TXNRD2: variants seen among roughly 807,000 people sequenced by gnomAD.
The protein encoded by TXNRD2 is thioredoxin reductase 2, also known as thioredoxin reductase 2, mitochondrial.
A neutral mutation model predicts 70.8 loss-of-function variants in TXNRD2; 67 were observed. The observed-to-expected ratio is 0.95, with a 90% CI of 0.78 to 1.16. The LOEUF (loss-of-function observed/expected upper bound fraction) is 1.16. Ranked by LOEUF, TXNRD2 falls within the 50% of genes most tolerant of loss-of-function variation. The pLI is 0.00. For missense variants in TXNRD2, 644 were observed against 719.9 expected (o/e 0.89, Z 1.21); for synonymous variants, 301 against 295.8 (o/e 1.02, Z -0.18).
At chr22:19,913,273 C>T (rs1940494481) in intron 7 of TXNRD2, among the ~76,000 whole-genome samples, 1 of 152,204 alleles carries the variant, frequency 6.6e-6, no homozygotes, top group East Asian at 1.9e-4. Flanking sequence ...TGCAGCAACA[C>T]AGGGAACATT....
intron 8 of TXNRD2, among the ~76,000 whole-genome samples, chr22:19,901,470 G>A (rs535233722): frequency 6.6e-6 from 1 of 152,318 alleles, no homozygotes; most frequent in East Asian, 1.9e-4. Flanking sequence ...CGTCTCGCTC[G>A]TGTGGAGGGT....
At chr22:19,882,115 G>A (rs1314645048) in intron 12 of TXNRD2, among the ~76,000 whole-genome samples, 1 of 152,170 alleles carries the variant, frequency 6.6e-6, no homozygotes, top group East Asian at 1.9e-4. Context: ...TGACGATGAG[G>A]CAGAGAGAGG....
chr22:19,939,863 G>T (rs1320579823), intron 1 of TXNRD2, among the ~76,000 whole-genome samples: 4 of 152,130 alleles, frequency 2.6e-5, no homozygotes, highest in African/African-American at 9.7e-5. Flanking sequence ...ATATAAACCT[G>T]TAGGAAAACC....
rs1407064063 is a variant in TXNRD2 at position 19,919,673 on chromosome 22, C to T, written c.173-74G>A. 1.4e-5 allele frequency: 19 copies of T among 1,329,506 alleles called. No individual in the cohort carries two copies. In the South Asian group the frequency reaches 2.3e-4, roughly 16 times the overall value. The allele number at this position is 1,329,506 out of a possible 1,614,324, so 82.4% of individuals were successfully genotyped here. A position where few individuals can be genotyped will look rare whatever the true frequency, so the allele number is the denominator to read the frequency against. On this transcript the variant is annotated intron_variant, in intron 2 of 17. Transcript: ENST00000400521. ...ACTCAAGAACAGGCACTCCTCAGGG[C>T]TTGTGAGGTCCAGAAGAGTGTGGGC...
At chr22:19,924,641 A>G (rs1289581878) in intron 2 of TXNRD2, among the ~76,000 whole-genome samples, 1 of 152,210 alleles carries the variant, frequency 6.6e-6, no homozygotes, top group Non-Finnish European at 1.5e-5. Context: ...TGAAAAATAC[A>G]CTGGACGGGA....
chr22:19,890,355 A>G (rs1194192053), intron 11 of TXNRD2, among the ~76,000 whole-genome samples: 1 of 152,202 alleles, frequency 6.6e-6, no homozygotes, highest in African/African-American at 2.4e-5. Context: ...CTAAATTTGC[A>G]CTAAAATAAA....
At position 19,880,200 on chromosome 22, in the gene TXNRD2, G is replaced by A. The variant is rs1188379074; in HGVS notation, c.1254C>T (p.Arg418=). 5 of 1,613,396 alleles carry A rather than the reference G, an allele frequency of 3.1e-6. No individual in the cohort carries two copies. The highest frequency in any genetic ancestry group is 1.7e-5 in the Admixed American group (1 of 60,022). The stretch of plus-strand genomic sequence containing the variant: ...TCACCTCAACATGCTCCTGCCCGTG[G>A]CGAGCCACTGCCTCCTCCTCGGACA... The part of the protein sequence containing the change: ...VGLSEEEAVA[R]HGQEHVEVYH... Residue 418 remains arginine (R), a synonymous_variant, in exon 14 of 18, where the codon CGC becomes CGT. Transcript: ENST00000400521.
chr22:19,932,003 A>G (rs1941380159), intron 1 of TXNRD2, among the ~76,000 whole-genome samples: 1 of 151,754 alleles, frequency 6.6e-6, no homozygotes, highest in Admixed American at 6.6e-5. Flanking sequence ...TACTAAAAAT[A>G]CAAAAAAATT....
At chr22:19,900,681 T>C (rs1389025135) in intron 8 of TXNRD2, among the ~76,000 whole-genome samples, 2 of 149,754 alleles carry the variant, frequency 1.3e-5, no homozygotes, top group African/African-American at 4.9e-5. Flanking sequence ...ACCCAGGAGG[T>C]GGAGCTTGCA....
chr22:19,909,960 T>TCACACACACACCACA (rs1940329309), intron 8 of TXNRD2, among the ~76,000 whole-genome samples: 1 of 100,132 alleles, frequency 1.0e-5, no homozygotes, highest in Non-Finnish European at 2.1e-5. Flanking sequence ...CACACACCAC[T>TCACACACACACCACA]CACACACACA....
At chr22:19,878,312 C>T in intron 15 of TXNRD2, 54 bp downstream of exon 15, 1 of 1,606,592 alleles carries the variant, frequency 6.2e-7, no homozygotes, top group Non-Finnish European at 8.5e-7. Context: ...CCCTGCCAGG[C>T]TCTTTGCCAC....
At chr22:19,878,278 G>A in intron 15 of TXNRD2, 88 bp downstream of exon 15, 2 of 1,592,146 alleles carry the variant, frequency 1.3e-6, no homozygotes, top group South Asian at 2.2e-5. Flanking sequence ...GGAGGCATGG[G>A]TGGGGCCAGT....
intron 2 of TXNRD2, among the ~76,000 whole-genome samples, chr22:19,929,879 C>T (rs538257210): frequency 1.3e-5 from 2 of 152,306 alleles, no homozygotes; most frequent in Non-Finnish European, 2.9e-5. Context: ...CACAAAACCA[C>T]GTCATCCTCT....
chr22:19,911,580 G>T, intron 7 of TXNRD2, 133 bp from the exon 8 acceptor site: 1 of 738,582 alleles, frequency 1.4e-6, no homozygotes. Flanking sequence ...CTTCCCTGCT[G>T]CCAGTCCTTG....
intron 13 of TXNRD2, 40 bp from the exon 14 acceptor site, chr22:19,880,311 C>T (rs1329259655): frequency 5.6e-6 from 9 of 1,597,804 alleles, no homozygotes; most frequent in East Asian, 2.2e-5. Flanking sequence ...CCTTGGGCCC[C>T]GAAAACCGAA....
intron 4 of TXNRD2, 121 bp from the exon 5 acceptor site, chr22:19,918,338 T>A: frequency 1.0e-6 from 1 of 955,850 alleles, no homozygotes; most frequent in Non-Finnish European, 1.6e-6. Flanking sequence ...AGAGTGCTTT[T>A]AAAGGTGGCA....
intron 1 of TXNRD2, among the ~76,000 whole-genome samples, chr22:19,934,087 C>G (rs1182964749): frequency 6.6e-6 from 1 of 152,184 alleles, no homozygotes; most frequent in Non-Finnish European, 1.5e-5. Flanking sequence ...GCAGGCTGGC[C>G]ACCTCAGGGT....
chr22:19,941,738 C>G lies in TXNRD2; in HGVS notation c.66G>C (p.Val22=), dbSNP rs1275451430. The G allele has an allele frequency of 2.0e-6, 3 of 1,493,998 alleles. No homozygotes were observed. The highest frequency in any genetic ancestry group is 2.7e-6 in the Non-Finnish European group (3 of 1,129,558). The allele number at this position is 1,493,998 out of a possible 1,614,324, so 92.5% of individuals were successfully genotyped here. Residue 22 remains valine (V), a synonymous_variant, in exon 1 of 18, where the codon GTG becomes GTC. Transcript: ENST00000400521. ...GCGCCGCGCCCCGCACCCCGCCCGC[C>G]ACGGCCTGCGTCCGCCACCGGAAGC... The part of the protein sequence containing the change: ...GGRFRWRTQA[V]AGGVRGAARG...
chr22:19,922,903 G>C (rs1415022407), intron 2 of TXNRD2, among the ~76,000 whole-genome samples: 1 of 151,736 alleles, frequency 6.6e-6, no homozygotes, highest in Non-Finnish European at 1.5e-5. Flanking sequence ...TGGTCAGGCT[G>C]GTCTTAAACT....
Sources: gnomAD v4.1 joint callset for allele counts (sites outside exome capture counted in the v4.1 genomes callset) on GRCh38, gnomAD v4.1.1 for gene constraint, MANE v1.5 for transcripts, NCBI Gene and HGNC (gene_info 2026-07-23, HGNC 2026-07-21) for gene names.